The following ROBO1 variants were observed in gnomAD, a reference collection of about 807,000 sequenced individuals.
ROBO1 encodes the protein roundabout guidance receptor 1.
A neutral mutation model predicts 195.9 loss-of-function variants in ROBO1; 149 were observed. The ratio of observed to expected loss-of-function variants is 0.76; its 90% CI spans 0.67 to 0.87. ROBO1 has a LOEUF of 0.87. Ranked by LOEUF, ROBO1 falls within the 40% of genes least tolerant of loss-of-function variation. The pLI, the probability that ROBO1 is intolerant of heterozygous loss-of-function variation, is 0.00. For synonymous variants in ROBO1, 816 were observed against 733.2 expected (o/e 1.11, Z -1.82); for missense variants, 1,933 against 2,068.3 (o/e 0.93, Z 1.27).
At chr3:78,980,279 A>C (rs907079145) in intron 3 of ROBO1, among the ~76,000 whole-genome samples, 3 of 152,124 alleles carry the variant, frequency 2.0e-5, no homozygotes, top group African/African-American at 7.2e-5. Context: ...TAAGGATTAC[A>C]ATCACCACTC....
At chr3:79,573,715 T>G (rs949381081) in intron 2 of ROBO1, among the ~76,000 whole-genome samples, 9 of 152,302 alleles carry the variant, frequency 5.9e-5, no homozygotes, top group Admixed American at 3.9e-4. Context: ...ACCAGTTCAT[T>G]TTTTAATTTC....
intron 3 of ROBO1, among the ~76,000 whole-genome samples, chr3:78,961,792 ATTTTTT>A (rs1014642101): frequency 6.6e-6 from 1 of 151,672 alleles, no homozygotes; most frequent in African/African-American, 2.4e-5. Flanking sequence ...TAGACCCATA[ATTTTTT>A]TTTAAGTCCT....
At chr3:79,579,979 T>C (rs1943607124) in intron 2 of ROBO1, among the ~76,000 whole-genome samples, 1 of 152,056 alleles carries the variant, frequency 6.6e-6, no homozygotes, top group Non-Finnish European at 1.5e-5. Flanking sequence ...GAGTTGCATG[T>C]CAAGCTAAGA....
intron 3 of ROBO1, among the ~76,000 whole-genome samples, chr3:79,110,660 G>A (rs575058617): frequency 7.4e-6 from 1 of 135,136 alleles, no homozygotes; most frequent in Admixed American, 8.0e-5. Flanking sequence ...GTCTTGCTCT[G>A]TGCCCAGGCT....
intron 11 of ROBO1, 92 bp from the exon 12 acceptor site, chr3:78,668,657 AT>A: frequency 9.5e-7 from 1 of 1,056,116 alleles, no homozygotes. Flanking sequence ...ATCCATGAAT[AT>A]GGATAACTGC....
intron 2 of ROBO1, among the ~76,000 whole-genome samples, chr3:79,534,347 G>C (rs4270471): frequency 0.57 from 86,662 of 151,580 alleles, 24,890 homozygotes; most frequent in Non-Finnish European, 0.6. Context: ...AAACGAATAT[G>C]CGACCATTTC....
At chr3:79,737,138 A>G (rs1703425128) in intron 1 of ROBO1, among the ~76,000 whole-genome samples, 1 of 152,170 alleles carries the variant, frequency 6.6e-6, no homozygotes, top group Non-Finnish European at 1.5e-5. Flanking sequence ...CTGCTGGGAG[A>G]ATACAACCCA....
chr3:79,238,116 C>A (rs972974371), intron 2 of ROBO1, among the ~76,000 whole-genome samples: 3 of 152,102 alleles, frequency 2.0e-5, no homozygotes, highest in African/African-American at 7.2e-5. Flanking sequence ...GAGCCACAAT[C>A]AAGGAAAGAA....
At chr3:79,363,193 T>C (rs1197132277) in intron 2 of ROBO1, among the ~76,000 whole-genome samples, 1 of 152,204 alleles carries the variant, frequency 6.6e-6, no homozygotes, top group Admixed American at 6.5e-5. Flanking sequence ...AAAGCTTCTC[T>C]TGCTCCCAGT....
chr3:79,122,261 A>G (rs2080133205), intron 3 of ROBO1, among the ~76,000 whole-genome samples: 1 of 152,050 alleles, frequency 6.6e-6, no homozygotes. Flanking sequence ...GCGTGGTTAA[A>G]CAAGAAATGG....
intron 2 of ROBO1, among the ~76,000 whole-genome samples, chr3:79,580,141 G>T (rs1943612934): frequency 6.6e-6 from 1 of 152,050 alleles, no homozygotes; most frequent in African/African-American, 2.4e-5. Context: ...TTCAGAGAAT[G>T]ACTATTAACA....
intron 4 of ROBO1, among the ~76,000 whole-genome samples, chr3:78,753,839 C>T (rs12492371): frequency 7.8e-4 from 119 of 152,242 alleles, no homozygotes; most frequent in Middle Eastern, 3.4e-3. Flanking sequence ...AGTCAAATGG[C>T]TAAAATCATA....
intron 2 of ROBO1, among the ~76,000 whole-genome samples, chr3:79,288,914 A>T (rs1309766829): frequency 6.6e-6 from 1 of 152,118 alleles, no homozygotes; most frequent in Non-Finnish European, 1.5e-5. Flanking sequence ...CCCCAAAATA[A>T]TTTAGCGGTC....
intron 4 of ROBO1, among the ~76,000 whole-genome samples, chr3:78,886,501 G>A (rs1240257740): frequency 1.3e-5 from 2 of 152,062 alleles, no homozygotes; most frequent in South Asian, 2.1e-4. Flanking sequence ...GGCTGAGGCA[G>A]GAGAATCACT....
intron 3 of ROBO1, among the ~76,000 whole-genome samples, chr3:79,109,406 A>G (rs2079843880): frequency 6.6e-6 from 1 of 151,982 alleles, no homozygotes; most frequent in Non-Finnish European, 1.5e-5. Flanking sequence ...AATGTAATAG[A>G]CACTCATTTA....
chr3:79,612,440 T>C lies in ROBO1; in HGVS notation c.-50-22479A>G, dbSNP rs540906297. Among the ~76,000 whole-genome samples, 8 of 151,788 alleles carry C rather than the reference T, an allele frequency of 5.3e-5. 1 individual carries two copies. Among genetic ancestry groups the C allele is most frequent in the African/African-American group, 1.9e-4 (8 of 41,388 alleles). On this transcript the variant is annotated intron_variant, in intron 1 of 30. Transcript: ENST00000464233. Reference sequence around the variant, plus strand: ...AATCCAGTCTATCATTGTTGGACATTTGGGTTGGTTCCAAGTCTTTGCTAT... The same window carrying C: ...AATCCAGTCTATCATTGTTGGACATCTGGGTTGGTTCCAAGTCTTTGCTAT...
chr3:78,601,300 T>C (rs556752715), intron 29 of ROBO1, among the ~76,000 whole-genome samples: 2 of 152,274 alleles, frequency 1.3e-5, no homozygotes, highest in East Asian at 3.9e-4. Flanking sequence ...TTCTAAATTA[T>C]TGCTCCTCTA....
Position 78,668,468 on chromosome 3 carries a change from A to C in ROBO1, c.1630+16T>G. ...TTTTAAGCTTCACTTTAAGGGAAAC[A>C]CACCATTTACTTTACCTTGAACTTC... On this transcript the variant is annotated intron_variant, in intron 12 of 30. Coordinates refer to ENST00000464233, the MANE Select transcript of ROBO1 (RefSeq NM_002941.4). 2 of 1,613,272 alleles carry C rather than the reference A, an allele frequency of 1.2e-6. No homozygotes were observed. Among genetic ancestry groups the C allele is most frequent in the Non-Finnish European group, 1.7e-6 (2 of 1,179,272 alleles).
intron 2 of ROBO1, among the ~76,000 whole-genome samples, chr3:79,276,892 A>G (rs921457423): frequency 1.3e-5 from 2 of 152,098 alleles, no homozygotes; most frequent in Admixed American, 1.3e-4. Context: ...ATCATCAGAT[A>G]AATGCAAATC....
Sources: gnomAD v4.1 joint callset for allele counts (sites outside exome capture counted in the v4.1 genomes callset) on GRCh38, gnomAD v4.1.1 for gene constraint, MANE v1.5 for transcripts, NCBI Gene and HGNC (gene_info 2026-07-23, HGNC 2026-07-21) for gene names.